CSPG4: variants seen among roughly 807,000 people sequenced by gnomAD.
CSPG4 encodes the protein chondroitin sulfate proteoglycan 4 (melanoma-associated).
Under a neutral mutation model 139.3 loss-of-function variants are expected in CSPG4, and 74 were observed. That is an observed-to-expected ratio of 0.53 (90% CI 0.44 to 0.64). The LOEUF is 0.64. Ranked by LOEUF, CSPG4 falls within the 30% of genes least tolerant of loss-of-function variation. The pLI, the probability that CSPG4 is intolerant of heterozygous loss-of-function variation, is 0.00. For missense variants in CSPG4, 2,565 were observed against 3,148.3 expected (o/e 0.81, Z 4.43); for synonymous variants, 1,234 against 1,394.2 (o/e 0.89, Z 2.56).
chr15:75,701,620 TC>T (rs1271194933), intron 1 of CSPG4, among the ~76,000 whole-genome samples: 1 of 152,044 alleles, frequency 6.6e-6, no homozygotes, highest in Non-Finnish European at 1.5e-5. Flanking sequence ...GCCACCACAC[TC>T]CCTCTGGCCC....
intron 8 of CSPG4, chr15:75,678,672 C>T (rs1269347214): frequency 1.1e-5 from 5 of 456,068 alleles, no homozygotes; most frequent in Non-Finnish European, 2.2e-5. Flanking sequence ...CTATTCTTGA[C>T]TTCACATTTT....
chr15:75,708,869 A>G (rs1416500500), intron 1 of CSPG4, among the ~76,000 whole-genome samples: 1 of 152,202 alleles, frequency 6.6e-6, no homozygotes, highest in African/African-American at 2.4e-5. Flanking sequence ...TCTACAAAAA[A>G]TAATTACCCT....
chr15:75,703,633 C>T (rs1329747967), intron 1 of CSPG4, among the ~76,000 whole-genome samples: 1 of 151,618 alleles, frequency 6.6e-6, no homozygotes, highest in Non-Finnish European at 1.5e-5. Flanking sequence ...CAAGGGCTGT[C>T]TTGGGCACGG....
chr15:75,676,919 TC>T lies in CSPG4; in HGVS notation c.5599del (p.Glu1867ArgfsTer25). On this transcript the variant is annotated frameshift_variant, in exon 10 of 10. Transcript: ENST00000308508. LOFTEE classifies it low-confidence loss of function (END_TRUNC). ...TGCCCGCTGGACCTCGTACTCAATC[TC>T]CCCAGGAGCTGAGTCTGGGTCCACC... ...SVVDPDSAPG[E>X]IEYEVQRAPH... 6.4e-7 allele frequency: 1 copy of T among 1,565,150 alleles called. No individual in the cohort carries two copies. The highest frequency in any genetic ancestry group is 2.4e-5 in the East Asian group (1 of 42,086).
rs377330192 is a variant in CSPG4 at position 75,675,903 on chromosome 15, C to T, written c.6616G>A (p.Glu2206Lys). Residue 2206 changes from glutamate to lysine, a missense_variant, in exon 10 of 10, where the codon GAG (glutamate) becomes AAG (lysine). Around this residue, in one of 5 missense-constraint regions of CSPG4, gnomAD observed 2,316 missense variants for 2,818.2 expected, o/e 0.82. Coordinates refer to ENST00000308508, the MANE Select transcript of CSPG4 (RefSeq NM_001897.5). Reference sequence around the variant, plus strand: ...AAGCCTCCCTTGGCCACAGCGGGCTCAGGGCTGGATGCCATGGGGCCTGGC... The same window carrying T: ...AAGCCTCCCTTGGCCACAGCGGGCTTAGGGCTGGATGCCATGGGGCCTGGC... The part of the protein sequence containing the change: ...GEPGPMASSP[E>K]PAVAKGGFLS... 2 of 1,603,224 alleles carry T rather than the reference C, an allele frequency of 1.2e-6. No individual in the cohort carries two copies. The highest frequency in any genetic ancestry group is 1.7e-6 in the Non-Finnish European group (2 of 1,179,748).
At chr15:75,705,670 C>A (rs1462570437) in intron 1 of CSPG4, among the ~76,000 whole-genome samples, 1 of 152,196 alleles carries the variant, frequency 6.6e-6, no homozygotes, top group Non-Finnish European at 1.5e-5. Flanking sequence ...ATGTGCCTGG[C>A]CTCCTGCTTC....
rs770528724 is a variant in CSPG4, at chr15:75,687,379, G to C, written c.3686C>G (p.Thr1229Ser). The change falls in exon 3 of 10, where the codon ACC (threonine) becomes AGC (serine). Residue 1229 changes from threonine (T) to serine (S), a missense_variant. Thr to Ser is a moderately conservative substitution (Grantham distance 58, BLOSUM62 1). This residue lies in a region of CSPG4 where 2,316 missense variants were observed against 2,818.2 expected (regional missense o/e 0.82). Transcript: ENST00000308508. The surrounding 1 kb of genome is among the most constrained non-coding windows in gnomAD (Gnocchi z 5.4). ...GGCCAGTGGGCCCTCTAGGGCAATGGTCACTTGTAGGGTGGCATCCGTGTG... is the reference window on the plus strand; with the variant it reads ...GGCCAGTGGGCCCTCTAGGGCAATGCTCACTTGTAGGGTGGCATCCGTGTG... ...PVHTDATLQVTIALEGPLAPL... is the reference protein window; with the variant it reads ...PVHTDATLQVSIALEGPLAPL... The C allele has an allele frequency of 4.3e-6, 7 of 1,612,996 alleles. No homozygotes were observed. Among genetic ancestry groups the C allele is most frequent in the African/African-American group, 1.3e-5 (1 of 75,068 alleles).
chr15:75,676,131 G>T lies in CSPG4; in HGVS notation c.6388C>A (p.Pro2130Thr). Residue 2130 changes from proline to threonine, a missense_variant, in exon 10 of 10, where the codon CCA becomes ACA. Pro to Thr is a conservative substitution (Grantham distance 38). Coordinates refer to ENST00000308508, the MANE Select transcript of CSPG4 (RefSeq NM_001897.5). The part of the protein sequence containing the change: ...DGRLGLEVGR[P>T]EGRAPGPAGD... ...GCGGGGCCGGGGGCCCTCCCCTCTG[G>T]CCTGCCCACCTCCAGCCCCAGCCTC... 1 of 1,542,254 alleles carries T rather than the reference G, an allele frequency of 6.5e-7. No homozygotes were observed. The highest frequency in any genetic ancestry group is 8.7e-7 in the Non-Finnish European group (1 of 1,149,940).
chr15:75,703,350 CA>C (rs1255927895), intron 1 of CSPG4, among the ~76,000 whole-genome samples: 1 of 151,096 alleles, frequency 6.6e-6, no homozygotes, highest in African/African-American at 2.4e-5. Flanking sequence ...TGACCCTGCG[CA>C]GGGGCAGACA....
Position 75,687,936 on chromosome 15 carries a change from G to A in CSPG4, c.3129C>T (p.Ala1043=), listed in dbSNP as rs1245171930. The A allele has an allele frequency of 6.8e-6, 11 of 1,612,964 alleles. No individual in the cohort carries two copies. Among genetic ancestry groups the A allele is most frequent in the Non-Finnish European group, 8.5e-6 (10 of 1,180,032 alleles). The change falls in exon 3 of 10, where the codon GCC becomes GCT. Residue 1043 remains alanine, a synonymous_variant. Coordinates refer to ENST00000308508, the MANE Select transcript of CSPG4 (RefSeq NM_001897.5). The surrounding 1 kb of genome is among the most constrained non-coding windows in gnomAD (Gnocchi z 5.4). The part of the protein sequence containing the change: ...GRRLLTTDDV[A]FSDADSGFAD... ...CAAAGCCCGAGTCAGCATCGCTGAAGGCCACGTCGTCTGTAGTCAGCAGCC... is the reference window on the plus strand; with the variant it reads ...CAAAGCCCGAGTCAGCATCGCTGAAAGCCACGTCGTCTGTAGTCAGCAGCC...
rs772336639 is a variant in CSPG4 at position 75,689,621 on chromosome 15, C to G, written c.1444G>C (p.Glu482Gln). ...GCCTGGGCTCCCGGGATGTCCAGCTCGAGCTCGCCATGGCGTGCCCCTCGG... is the reference window on the plus strand; with the variant it reads ...GCCTGGGCTCCCGGGATGTCCAGCTGGAGCTCGCCATGGCGTGCCCCTCGG... ...VTRGARHGEL[E>Q]LDIPGAQARK... The change falls in exon 3 of 10, where the codon GAG becomes CAG. Residue 482 changes from glutamate (E) to glutamine (Q), a missense_variant. Glu to Gln is a conservative substitution (Grantham distance 29). This residue lies in a region of CSPG4 where 2,316 missense variants were observed against 2,818.2 expected (regional missense o/e 0.82). Coordinates refer to ENST00000308508, the MANE Select transcript of CSPG4 (RefSeq NM_001897.5). The G allele has an allele frequency of 6.2e-7, 1 of 1,612,864 alleles. No individual in the cohort carries two copies. The highest frequency in any genetic ancestry group is 1.1e-5 in the South Asian group (1 of 91,074).
rs149811704 is a variant in CSPG4 at position 75,688,498 on chromosome 15, C to T, written c.2567G>A (p.Arg856Gln). ...ACGTGCTGTGGCCCCATAGGTCACC[C>T]GGCCAGCCTGTATGTCATCCTGGGT... ...GFTQDDIQAG[R>Q]VTYGATARAS... Residue 856 changes from arginine (R) to glutamine (Q), a missense_variant, in exon 3 of 10, where the codon CGG (arginine) becomes CAG (glutamine). Physicochemically the swap from Arg to Gln is conservative, Grantham distance 43 (BLOSUM62 1). Transcript: ENST00000308508. The T allele has an allele frequency of 2.0e-5, 32 of 1,613,078 alleles. No individual in the cohort carries two copies. The highest frequency in any genetic ancestry group is 2.2e-5 in the East Asian group (1 of 44,898).
chr15:75,685,127 G>T, intron 4 of CSPG4, 92 bp downstream of exon 4: 2 of 1,471,568 alleles, frequency 1.4e-6, no homozygotes, highest in Non-Finnish European at 1.8e-6. Context: ...TCTCCTCTCT[G>T]TGTATAACCC....
intron 5 of CSPG4, among the ~76,000 whole-genome samples, chr15:75,683,346 C>T (rs1178503275): frequency 1.3e-5 from 2 of 152,196 alleles, no homozygotes; most frequent in Non-Finnish European, 2.9e-5. Flanking sequence ...CAGCTCTTAC[C>T]CTCACCAAGT....
Position 75,687,500 on chromosome 15 carries a change from G to A in CSPG4, c.3565C>T (p.Gln1189Ter). 2 of 1,612,462 alleles carry A rather than the reference G, an allele frequency of 1.2e-6. No individual in the cohort carries two copies. Among genetic ancestry groups the A allele is most frequent in the Non-Finnish European group, 1.7e-6 (2 of 1,179,610 alleles). Reference protein sequence around the residue: ...RAGQPATAFSQQDLLDGAVLY... With the variant: ...RAGQPATAFS ...ACGGCCCCATCCAGCAGGTCCTGCT[G>A]GGAGAAGGCTGTGGCTGGCTGACCA... is the stretch of plus-strand genomic sequence containing the variant. Residue 1189 changes from glutamine (Q) to a stop codon, truncating the protein, a stop_gained, in exon 3 of 10, where the codon CAG (glutamine) becomes TAG (stop). Coordinates refer to ENST00000308508, the MANE Select transcript of CSPG4 (RefSeq NM_001897.5). LOFTEE classifies it high-confidence loss of function. This position sits in a 1 kb window ranked among gnomAD's most constrained non-coding sequence, Gnocchi z 5.4.
chr15:75,705,153 C>T (rs1365718935), intron 1 of CSPG4, among the ~76,000 whole-genome samples: 2 of 152,190 alleles, frequency 1.3e-5, no homozygotes, highest in African/African-American at 4.8e-5. Context: ...CAGGGGCTGT[C>T]CCCACTTCTT....
rs375903116 is a variant in CSPG4 at position 75,688,346 on chromosome 15, G to A, written c.2719C>T (p.Leu907Phe). 1.9e-6 allele frequency: 3 copies of A among 1,613,228 alleles called. No homozygotes were observed. Among genetic ancestry groups the A allele is most frequent in the Non-Finnish European group, 2.5e-6 (3 of 1,180,058 alleles). The change falls in exon 3 of 10, where the codon CTC (leucine) becomes TTC (phenylalanine). Residue 907 changes from leucine to phenylalanine, a missense_variant. Physicochemically the swap from Leu to Phe is conservative, Grantham distance 22. Around this residue, in one of 5 missense-constraint regions of CSPG4, gnomAD observed 2,316 missense variants for 2,818.2 expected, o/e 0.82. Transcript: ENST00000308508. ...PDAPVLTNVL[L>F]VVPEGGEGVL... ...CCCTCACCACCCTCAGGCACCACGA[G>A]GAGGACATTGGTGAGGACAGGCGCA...
intron 1 of CSPG4, among the ~76,000 whole-genome samples, chr15:75,704,990 G>A (rs1397221312): frequency 6.6e-6 from 1 of 152,188 alleles, no homozygotes; most frequent in Non-Finnish European, 1.5e-5. Flanking sequence ...GGCTTCTAGG[G>A]TCCCCGTCCC....
In CSPG4 at chr15:75,676,118, G is replaced by C; in HGVS notation, c.6401C>G (p.Ala2134Gly). The change falls in exon 10 of 10, where the codon GCC (alanine) becomes GGC (glycine). Residue 2134 changes from alanine (A) to glycine (G), a missense_variant. Physicochemically the swap from Ala to Gly is moderately conservative, Grantham distance 60. Transcript: ENST00000308508. The stretch of plus-strand genomic sequence containing the variant: ...GAGACTGTCACCTGCGGGGCCGGGG[G>C]CCCTCCCCTCTGGCCTGCCCACCTC... ...GLEVGRPEGRAPGPAGDSLTL... is the reference protein window; with the variant it reads ...GLEVGRPEGRGPGPAGDSLTL... The C allele has an allele frequency of 6.5e-7, 1 of 1,537,032 alleles. No homozygotes were observed. The highest frequency in any genetic ancestry group is 1.2e-5 in the South Asian group (1 of 84,550).
Sources: gnomAD v4.1 joint callset for allele counts (sites outside exome capture counted in the v4.1 genomes callset) on GRCh38, gnomAD v4.1.1 for gene constraint, gnomAD v4.1.1 regional missense constraint, Gnocchi (gnomAD v3.1) non-coding constraint, MANE v1.5 for transcripts, NCBI Gene and HGNC (gene_info 2026-07-23, HGNC 2026-07-21) for gene names.